The following XYLT1 variants were observed in gnomAD, a reference collection of about 807,000 sequenced individuals.
XYLT1 encodes the protein xylosyltransferase 1.
Under a neutral mutation model 91.3 loss-of-function variants are expected in XYLT1, and 36 were observed. The ratio of observed to expected loss-of-function variants is 0.39; its 90% CI spans 0.30 to 0.52. The LOEUF is 0.52. Among genes scored for constraint, XYLT1 ranks in the 20% least tolerant of loss-of-function variants. The probability of loss-of-function intolerance (pLI) is 0.68; values close to 1 mark genes in which losing one functional copy is unlikely to be tolerated. For missense variants in XYLT1, 1,242 were observed against 1,284.5 expected, an observed-to-expected ratio of 0.97 and a Z score of 0.51; for synonymous variants, 588 against 532.0, an observed-to-expected ratio of 1.11 and a Z score of -1.45.
chr16:17,187,773 C>T (rs1055400875), intron 5 of XYLT1, among the ~76,000 whole-genome samples: 1 of 151,826 alleles, frequency 6.6e-6, no homozygotes, highest in African/African-American at 2.4e-5. Context: ...TTATCATTCT[C>T]ACCATATTTT....
At chr16:17,324,200 G>C (rs2141832607) in intron 2 of XYLT1, among the ~76,000 whole-genome samples, 1 of 152,216 alleles carries the variant, frequency 6.6e-6, no homozygotes, top group East Asian at 1.9e-4. Flanking sequence ...AAAGAAAAAG[G>C]TCAAGGGAAA....
At chr16:17,310,586 CA>C (rs1451772457) in intron 2 of XYLT1, among the ~76,000 whole-genome samples, 6 of 152,340 alleles carry the variant, frequency 3.9e-5, no homozygotes, top group South Asian at 4.1e-4. Flanking sequence ...CGCAGTGGCT[CA>C]TGCCTGTAAT....
chr16:17,412,579 T>C (rs1013271147), intron 1 of XYLT1, among the ~76,000 whole-genome samples: 2 of 10,626 alleles, frequency 1.9e-4, no homozygotes, highest in Admixed American at 1.1e-3. Context: ...TTGAAGCATT[T>C]GGGGGTGTGG....
chr16:17,237,099 G>A (rs1020041887), intron 3 of XYLT1, among the ~76,000 whole-genome samples: 1 of 152,182 alleles, frequency 6.6e-6, no homozygotes, highest in African/African-American at 2.4e-5. Flanking sequence ...GTTCAGGTGA[G>A]TCTTGTTTGG....
chr16:17,280,884 T>C (rs551807737), intron 2 of XYLT1, among the ~76,000 whole-genome samples: 5 of 152,304 alleles, frequency 3.3e-5, no homozygotes, highest in Admixed American at 6.5e-5. Context: ...GGTAACATGA[T>C]GCAGAAGGAA....
At chr16:17,220,462 G>C (rs2032945545) in intron 3 of XYLT1, among the ~76,000 whole-genome samples, 1 of 152,086 alleles carries the variant, frequency 6.6e-6, no homozygotes, top group African/African-American at 2.4e-5. Flanking sequence ...TCAGGTCAAT[G>C]TCTGTGTTAA....
chr16:17,136,725 G>T (rs1008869365), intron 8 of XYLT1, among the ~76,000 whole-genome samples: 1 of 152,066 alleles, frequency 6.6e-6, no homozygotes, highest in African/African-American at 2.4e-5. Context: ...AGTTCTTCGC[G>T]CAAGAACTCT....
chr16:17,302,669 T>A (rs1020690835), intron 2 of XYLT1, among the ~76,000 whole-genome samples: 1 of 152,214 alleles, frequency 6.6e-6, no homozygotes, highest in African/African-American at 2.4e-5. Context: ...CCTTTCTTTG[T>A]CTCAGTTTTA....
rs200053698 is a variant in XYLT1 at position 17,138,504 on chromosome 16, T to C, written c.1615A>G (p.Ser539Gly). 154 of 1,613,712 alleles carry C rather than the reference T, an allele frequency of 9.5e-5. No homozygotes were observed. Among genetic ancestry groups the C allele is most frequent in the Non-Finnish European group, 1.2e-4 (147 of 1,180,012 alleles). The change falls in exon 8 of 12, where the codon AGC becomes GGC. Residue 539 changes from serine (S) to glycine (G), a missense_variant. By Grantham distance (56) the Ser-to-Gly change is moderately conservative. This residue lies in a region of XYLT1 where 294 missense variants were observed against 376.0 expected (regional missense o/e 0.78). Transcript: ENST00000261381. ...ESFFHTVLEN[S>G]PHCDTMVDNN... ...TCCACCATGGTGTCGCAGTGGGGGC[T>C]GTTCTCCAGGACCGTATGGAAGAAG...
intron 3 of XYLT1, among the ~76,000 whole-genome samples, chr16:17,224,017 G>C (rs1033531755): frequency 6.6e-6 from 1 of 152,210 alleles, no homozygotes; most frequent in African/African-American, 2.4e-5. Flanking sequence ...AGGCAGAAAG[G>C]CTTGGGTTCA....
chr16:17,350,860 A>G (rs1188297680), intron 2 of XYLT1, among the ~76,000 whole-genome samples: 6 of 152,134 alleles, frequency 3.9e-5, no homozygotes, highest in Admixed American at 1.3e-4. Context: ...AGAGGGGAAG[A>G]GCTTCACAAG....
intron 6 of XYLT1, among the ~76,000 whole-genome samples, chr16:17,143,154 G>C (rs1294776135): frequency 2.6e-5 from 4 of 152,168 alleles, no homozygotes; most frequent in Non-Finnish European, 5.9e-5. Flanking sequence ...GACAGAGCTA[G>C]AACCAAGGCT....
intron 2 of XYLT1, chr16:17,354,757 T>G (rs2035271051): frequency 6.6e-6 from 1 of 152,176 alleles, no homozygotes; most frequent in Non-Finnish European, 1.5e-5. Flanking sequence ...TCATGGCATA[T>G]GGGTAACATT....
chr16:17,314,423 T>G (rs1034896848), intron 2 of XYLT1, among the ~76,000 whole-genome samples: 1 of 152,198 alleles, frequency 6.6e-6, no homozygotes, highest in South Asian at 2.1e-4. Context: ...TAGAAACCAC[T>G]AGATTCCAGG....
chr16:17,326,306 T>G (rs1339339406), intron 2 of XYLT1, among the ~76,000 whole-genome samples: 1 of 152,164 alleles, frequency 6.6e-6, no homozygotes, highest in Non-Finnish European at 1.5e-5. Context: ...GGAAAATGCC[T>G]CCCCATTTTC....
intron 1 of XYLT1, among the ~76,000 whole-genome samples, chr16:17,379,500 G>C (rs958329431): frequency 6.6e-6 from 1 of 152,132 alleles, no homozygotes; most frequent in Non-Finnish European, 1.5e-5. Flanking sequence ...CCTGGCCCCC[G>C]GAGGATGCGG....
chr16:17,137,832 T>G (rs2030799916), intron 8 of XYLT1, among the ~76,000 whole-genome samples: 1 of 152,216 alleles, frequency 6.6e-6, no homozygotes. Context: ...TTCGTCGATA[T>G]CACTGATGAG....
intron 2 of XYLT1, among the ~76,000 whole-genome samples, chr16:17,324,745 CAT>C (rs1286605299): frequency 2.6e-5 from 4 of 152,158 alleles, no homozygotes; most frequent in African/African-American, 4.8e-5. Flanking sequence ...ATGTGCACCA[CAT>C]GTTTTTAGTG....
At chr16:17,142,600 AT>A (rs71137976) in intron 6 of XYLT1, among the ~76,000 whole-genome samples, 24 of 139,642 alleles carry the variant, frequency 1.7e-4, no homozygotes, top group South Asian at 2.3e-4. Flanking sequence ...CACCCAGCTA[AT>A]TTTTTTTTTT....
Sources: gnomAD v4.1 joint callset for allele counts (sites outside exome capture counted in the v4.1 genomes callset) on GRCh38, gnomAD v4.1.1 for gene constraint, gnomAD v4.1.1 regional missense constraint, MANE v1.5 for transcripts, NCBI Gene and HGNC (gene_info 2026-07-23, HGNC 2026-07-21) for gene names.